ABCA6: variants seen among roughly 807,000 people sequenced by gnomAD.
The protein encoded by ABCA6 is ATP-binding cassette sub-family A member 6.
A neutral mutation model predicts 191.2 loss-of-function variants in ABCA6; 164 were observed. The observed-to-expected ratio is 0.86, with a 90% confidence interval of 0.76 to 0.98. The LOEUF is 0.98. Ranked by LOEUF, ABCA6 falls within the 50% of genes least tolerant of loss-of-function variation. ABCA6 has a pLI of 0.00. For missense variants in ABCA6, 1,958 were observed against 1,894.1 expected (o/e 1.03, Z -0.63); for synonymous variants, 636 against 647.7 (o/e 0.98, Z 0.27).
chr17:69,083,250 C>T lies in ABCA6; in HGVS notation c.4437G>A (p.Leu1479=). 1.9e-6 allele frequency: 3 copies of T among 1,610,128 alleles called. No homozygotes were observed. The highest frequency in any genetic ancestry group is 2.5e-6 in the Non-Finnish European group (3 of 1,178,908). The change falls in exon 35 of 39, where the codon TTG becomes TTA. Residue 1479 remains leucine (L), a synonymous_variant. Transcript: ENST00000284425. Reference sequence around the variant, plus strand: ...ACACCATGATGGCCACACGGTCACACAAGGCTTCCGCCTCAGCCAGGTTAT... The same window carrying T: ...ACACCATGATGGCCACACGGTCACATAAGGCTTCCGCCTCAGCCAGGTTAT... ...TTHNLAEAEA[L]CDRVAIMVSG...
At chr17:69,125,505 G>C (rs1220983997) in intron 8 of ABCA6, among the ~76,000 whole-genome samples, 2 of 152,010 alleles carry the variant, frequency 1.3e-5, no homozygotes, top group East Asian at 1.9e-4. Context: ...TAAGTGTTTT[G>C]TATATTATCC....
intron 31 of ABCA6, 144 bp from the exon 32 acceptor site, chr17:69,085,326 A>G: frequency 1.2e-6 from 1 of 836,638 alleles, no homozygotes; most frequent in Non-Finnish European, 1.8e-6. Context: ...TTATTACAGA[A>G]AATGATTTAA....
intron 10 of ABCA6, among the ~76,000 whole-genome samples, chr17:69,121,817 C>T (rs2073652654): frequency 6.6e-6 from 1 of 151,940 alleles, no homozygotes; most frequent in Admixed American, 6.6e-5. Flanking sequence ...ATTGATGACA[C>T]TGGAACTGAG....
chr17:69,085,519 C>CA (rs35438104), intron 31 of ABCA6, 106 bp downstream of exon 31: 176,333 of 472,346 alleles, frequency 0.37, 22,244 homozygotes, highest in African/African-American at 0.57. Context: ...TATCCAAAGG[C>CA]AAAAAAAAAA....
chr17:69,138,610 G>A (rs1275470057), intron 2 of ABCA6, among the ~76,000 whole-genome samples: 9 of 151,196 alleles, frequency 6.0e-5, no homozygotes, highest in East Asian at 1.9e-4. Flanking sequence ...AAGTTCATAC[G>A]GAACCAAAAA....
rs1363775379 is a variant in ABCA6, at chr17:69,135,976, T to G, written c.460+116A>C. The G allele has an allele frequency of 3.0e-6, 3 of 999,896 alleles. No homozygotes were observed. The East Asian group carries it at 7.7e-5, about 26-fold the overall frequency. 61.9% of individuals were successfully genotyped at this position (999,896 alleles called of 1,614,324 possible). On this transcript the variant is annotated intron_variant, in intron 4 of 38. Transcript: ENST00000284425. ...CCTTGAAATAAGTTCAGCAATGAAATGGGCTTTCCCTGTTTTCTCATGTGT... is the reference window on the plus strand; with the variant it reads ...CCTTGAAATAAGTTCAGCAATGAAAGGGGCTTTCCCTGTTTTCTCATGTGT...
chr17:69,118,473 G>A (rs1012582387), intron 10 of ABCA6, among the ~76,000 whole-genome samples: 6 of 151,952 alleles, frequency 3.9e-5, no homozygotes, highest in African/African-American at 1.4e-4. Flanking sequence ...ACTTGCCATT[G>A]TAAACTTGCC....
Position 69,083,493 on chromosome 17 carries a change from T to C in ABCA6, c.4356-162A>G, listed in dbSNP as rs903150683. 7.9e-5 allele frequency among the ~76,000 whole-genome samples: 12 copies of C among 152,246 alleles called. 1 individual carries two copies. The highest frequency in any genetic ancestry group is 7.9e-4 in the Admixed American group (12 of 15,286). On this transcript the variant is annotated intron_variant, in intron 34 of 38. Transcript: ENST00000284425. ...ATAACATAAATAACATTTTTAAGTA[T>C]TTTTAGATGTGCTAATCATATTGTA...
At chr17:69,134,886 G>GTATTTTTT in intron 4 of ABCA6, 144 bp from the exon 5 acceptor site, 5 of 127,062 alleles carry the variant, frequency 3.9e-5, no homozygotes, top group Non-Finnish European at 6.2e-5. Context: ...TGTTGTGGTT[G>GTATTTTTT]TCTTTTTTTT....
intron 36 of ABCA6, among the ~76,000 whole-genome samples, chr17:69,081,434 C>A (rs1326918724): frequency 6.6e-6 from 1 of 151,602 alleles, no homozygotes. Context: ...TTGATTAGTT[C>A]GAATTAGGTT....
chr17:69,097,531 T>A (rs138765982), intron 23 of ABCA6, among the ~76,000 whole-genome samples: 18 of 152,260 alleles, frequency 1.2e-4, no homozygotes, highest in African/African-American at 4.1e-4. Flanking sequence ...ATGGGCATAA[T>A]CGAATACAAA....
chr17:69,104,354 T>G (rs889404205), intron 20 of ABCA6: 3 of 152,106 alleles, frequency 2.0e-5, no homozygotes, highest in African/African-American at 7.2e-5. Context: ...TAAAGAAACC[T>G]TTCTAGATCT....
At chr17:69,106,342 C>T (rs1203323401) in intron 18 of ABCA6, 131 bp from the exon 19 acceptor site, 5 of 960,962 alleles carry the variant, frequency 5.2e-6, no homozygotes, top group Non-Finnish European at 7.2e-6. Flanking sequence ...CCTGTAATCC[C>T]AGTACTCTGG....
intron 2 of ABCA6, 123 bp from the exon 3 acceptor site, chr17:69,137,623 C>G (rs1178241093): frequency 2.4e-6 from 2 of 842,244 alleles, no homozygotes; most frequent in African/African-American, 3.4e-5. Flanking sequence ...TCTCTCTGCT[C>G]TCCAAGCCTC....
chr17:69,137,535 A>T lies in ABCA6; in HGVS notation c.97-35T>A, dbSNP rs768334210. ...ATATAAAAAGAAAAATAATGAATTA[A>T]GGTTGCATTCACTTAAAGATCTCAG... On this transcript the variant is annotated intron_variant, in intron 2 of 38. Transcript: ENST00000284425. 1.9e-6 allele frequency: 3 copies of T among 1,580,648 alleles called. No homozygotes were observed. The South Asian group carries it at 3.4e-5, about 18-fold the overall frequency.
intron 2 of ABCA6, among the ~76,000 whole-genome samples, chr17:69,138,404 C>A (rs1345770182): frequency 6.6e-6 from 1 of 152,104 alleles, no homozygotes; most frequent in Non-Finnish European, 1.5e-5. Flanking sequence ...AGTTGGATTC[C>A]TAAGTATTTT....
Position 69,091,211 on chromosome 17 carries a change from T to C in ABCA6, c.3460A>G (p.Ile1154Val). The C allele has an allele frequency of 6.2e-7, 1 of 1,611,966 alleles. No homozygotes were observed. ...ITLINHFDLS[I>V]LITTMVLVPS... ...ACCAATACCATGGTGGTAATCAATA[T>C]ACTTAGGTCAAAATGATTGATTAAA... Residue 1154 changes from isoleucine (I) to valine (V), a missense_variant, in exon 26 of 39, where the codon ATA (isoleucine) becomes GTA (valine). Ile to Val is a conservative substitution (Grantham distance 29). Transcript: ENST00000284425.
Position 69,137,345 on chromosome 17 carries a change from A to T in ABCA6, c.252T>A (p.Asn84Lys), listed in dbSNP as rs1425100046. The T allele has an allele frequency of 6.2e-7, 1 of 1,613,510 alleles. No individual in the cohort carries two copies. The highest frequency in any genetic ancestry group is 1.3e-5 in the African/African-American group (1 of 74,912). The change falls in exon 3 of 39, where the codon AAT becomes AAA. Residue 84 changes from asparagine to lysine, a missense_variant. Physicochemically the swap from Asn to Lys is moderately conservative, Grantham distance 94 (BLOSUM62 0). Coordinates refer to ENST00000284425, the MANE Select transcript of ABCA6 (RefSeq NM_080284.3). The stretch of plus-strand genomic sequence containing the variant: ...TTTTATTCATTATCTGCTGGGTTAA[A>T]TTAGATATTGGTGTATACACAACCA... The part of the protein sequence containing the change: ...SLMVVYTPIS[N>K]LTQQIMNKTA...
intron 17 of ABCA6, 135 bp from the exon 18 acceptor site, chr17:69,107,947 A>C: frequency 3.4e-6 from 2 of 596,178 alleles, no homozygotes; most frequent in Non-Finnish European, 5.7e-6. Flanking sequence ...CAGTAGTCAA[A>C]AGCAAAATTT....
Sources: allele counts gnomAD v4.1 joint callset (sites outside exome capture counted in the v4.1 genomes callset), GRCh38; gene constraint gnomAD v4.1.1; transcripts MANE v1.5; gene names NCBI Gene and HGNC (gene_info 2026-07-23, HGNC 2026-07-21).